The following ETV4 variants were observed in gnomAD, a reference collection of about 807,000 sequenced individuals.
ETV4 encodes the protein ETS variant transcription factor 4.
Under a neutral mutation model 65.9 loss-of-function variants are expected in ETV4, and 42 were observed. The ratio of observed to expected loss-of-function variants is 0.64; its 90% CI spans 0.50 to 0.82. The LOEUF is 0.82. Ranked by LOEUF, ETV4 falls within the 40% of genes least tolerant of loss-of-function variation. The pLI is 0.00. For synonymous variants in ETV4, 238 were observed against 260.0 expected (o/e 0.92, Z 0.81); for missense variants, 583 against 630.3 (o/e 0.92, Z 0.80).
chr17:43,532,593 A>T, intron 8 of ETV4, 81 bp downstream of exon 8: 2 of 1,300,154 alleles, frequency 1.5e-6, no homozygotes, highest in Admixed American at 4.3e-5. Flanking sequence ...GGTAAACAGC[A>T]ATGTAAAAAA....
chr17:43,545,872 A>G, intron 1 of ETV4: 1 of 584,992 alleles, frequency 1.7e-6, no homozygotes, highest in Non-Finnish European at 3.0e-6. Flanking sequence ...TGCTCCCAGG[A>G]GCCGGGCTCG....
intron 4 of ETV4, chr17:43,544,747 T>G (rs1320075912): frequency 2.0e-6 from 1 of 497,588 alleles, no homozygotes; most frequent in Non-Finnish European, 3.7e-6. Context: ...TCCTCAAGCC[T>G]AGTTACACAA....
chr17:43,533,254 G>A lies in ETV4; in HGVS notation c.478C>T (p.Arg160Trp), dbSNP rs759220792. The change falls in exon 7 of 13, where the codon CGG (arginine) becomes TGG (tryptophan). Residue 160 changes from arginine (R) to tryptophan (W), a missense_variant. By Grantham distance (101) the Arg-to-Trp change is moderately radical (BLOSUM62 -3). Transcript: ENST00000319349. ...PLQPFPRAEQ[R>W]NFLRSSGTSQ... ...GTGCCAGAGGATCTCAGGAAATTCC[G>A]TTGCTCTGCCCGGGGAAAGGGCTGT... The A allele has an allele frequency of 2.0e-5, 32 of 1,613,840 alleles. No individual in the cohort carries two copies. The highest frequency in any genetic ancestry group is 1.7e-5 in the Admixed American group (1 of 59,986).
intron 4 of ETV4, 123 bp downstream of exon 4, chr17:43,544,852 T>C (rs1971718663): frequency 2.3e-6 from 2 of 888,094 alleles, no homozygotes; most frequent in Non-Finnish European, 1.8e-6. Flanking sequence ...GAGAGGGCCT[T>C]GGAGAACTCC....
chr17:43,534,075 G>GTCACCCAGCTGGTC, intron 5 of ETV4, 90 bp from the exon 6 acceptor site: 1 of 1,337,346 alleles, frequency 7.5e-7, no homozygotes, highest in Non-Finnish European at 9.6e-7. Flanking sequence ...TTGAGGACCA[G>GTCACCCAGCTGGTC]CTGGGTGACT....
chr17:43,536,402 C>T (rs756066040), intron 5 of ETV4, 24 bp downstream of exon 5: 2 of 1,609,960 alleles, frequency 1.2e-6, no homozygotes, highest in African/African-American at 1.3e-5. Context: ...TCCCTATACC[C>T]TCTCCCCAGG....
intron 4 of ETV4, among the ~76,000 whole-genome samples, chr17:43,539,511 GA>G (rs1971411845): frequency 6.6e-6 from 1 of 152,170 alleles, no homozygotes; most frequent in Admixed American, 6.5e-5. Flanking sequence ...CCTCCACCAG[GA>G]AGTTAAGCTC....
rs750558611 is a variant in ETV4 at position 43,528,557 on chromosome 17, C to T, written c.1417G>A (p.Ala473Thr). 7.4e-6 allele frequency: 12 copies of T among 1,612,834 alleles called. No homozygotes were observed. Among genetic ancestry groups the T allele is most frequent in the Admixed American group, 6.7e-5 (4 of 59,948 alleles). ...PAYLPELAGP[A>T]QPFGPKGGYS... ...CCACCCTTGGGGCCAAATGGCTGGG[C>T]GGGGCCAGCCAGCTCTGGGAGGTAG... Residue 473 changes from alanine (A) to threonine (T), a missense_variant, in exon 13 of 13, where the codon GCC becomes ACC. By Grantham distance (58) the Ala-to-Thr change is moderately conservative. Coordinates refer to ENST00000319349, the MANE Select transcript of ETV4 (RefSeq NM_001079675.5).
chr17:43,542,112 G>A (rs1207226739), intron 4 of ETV4, among the ~76,000 whole-genome samples: 1 of 152,196 alleles, frequency 6.6e-6, no homozygotes, highest in Non-Finnish European at 1.5e-5. Flanking sequence ...CAAAGGGACT[G>A]GAGCCCTTGG....
At chr17:43,528,796 T>G in intron 12 of ETV4, 53 bp from the exon 13 acceptor site, 1 of 1,427,334 alleles carries the variant, frequency 7.0e-7, no homozygotes, top group Non-Finnish European at 9.8e-7. Context: ...AGCCTTTGTA[T>G]GGGGTAAGGT....
At chr17:43,536,558 G>T in intron 4 of ETV4, 79 bp from the exon 5 acceptor site, 2 of 1,280,168 alleles carry the variant, frequency 1.6e-6, no homozygotes, top group Non-Finnish European at 2.3e-6. Context: ...CAGCCCTGCA[G>T]ATTAGCAACA....
At chr17:43,536,377 C>T in intron 5 of ETV4, 49 bp downstream of exon 5, 1 of 1,520,658 alleles carries the variant, frequency 6.6e-7, no homozygotes, top group Non-Finnish European at 9.1e-7. Context: ...TGACTCACTT[C>T]CTGCCATCCT....
intron 4 of ETV4, 22 bp downstream of exon 4, chr17:43,544,953 A>G (rs1458261958): frequency 1.2e-6 from 2 of 1,612,794 alleles, no homozygotes; most frequent in Non-Finnish European, 1.7e-6. Flanking sequence ...CCCAAAATAG[A>G]AAAGGTCACA....
At chr17:43,545,472 C>A in intron 2 of ETV4, 86 bp downstream of exon 2, 1 of 1,177,842 alleles carries the variant, frequency 8.5e-7, no homozygotes, top group South Asian at 1.3e-5. Flanking sequence ...CCCAGGACTC[C>A]GCTGGGACTG....
At chr17:43,529,051 G>C (rs1281314041) in intron 12 of ETV4, 84 bp downstream of exon 12, 1 of 1,291,884 alleles carries the variant, frequency 7.7e-7, no homozygotes, top group Non-Finnish European at 1.1e-6. Context: ...AAGTTGCTGA[G>C]AACTGCCCTG....
At position 43,541,548 on chromosome 17, in the gene ETV4, A is replaced by AT. The variant is rs1567715362; in HGVS notation, c.202+3426_202+3427insA. 7.2e-5 allele frequency among the ~76,000 whole-genome samples: 11 copies of AT among 152,210 alleles called. 1 individual carries two copies. The East Asian group carries it at 2.1e-3, about 29-fold the overall frequency. ...TTCAAAAAGGGGGGTTAGTAAAAAA[A>AT]GAGGAGGGGCTTGGGGGGTCTCCCA... On this transcript the variant is annotated intron_variant, in intron 4 of 12. Transcript: ENST00000319349.
In ETV4 at chr17:43,534,095, T is replaced by A. The variant is rs537733149; in HGVS notation, c.257-110A>T. The A allele has an allele frequency of 4.4e-5, 52 of 1,182,648 alleles. No individual in the cohort carries two copies. In the Middle Eastern group the frequency reaches 7.5e-4, roughly 17 times the overall value. The allele number at this position is 1,182,648 out of a possible 1,614,324, so 73.3% of individuals were successfully genotyped here. A position where few individuals can be genotyped will look rare whatever the true frequency, so the allele number is the denominator to read the frequency against. Reference sequence around the variant, plus strand: ...GACCAGCTGGGTGACTGGTACAGCCTCCTTCCCTCTCTGGGTATCAATTTT... The same window carrying A: ...GACCAGCTGGGTGACTGGTACAGCCACCTTCCCTCTCTGGGTATCAATTTT... On this transcript the variant is annotated intron_variant, in intron 5 of 12. Transcript: ENST00000319349.
chr17:43,539,138 T>C (rs1340436192), intron 4 of ETV4, among the ~76,000 whole-genome samples: 1 of 152,210 alleles, frequency 6.6e-6, no homozygotes, highest in Non-Finnish European at 1.5e-5. Flanking sequence ...CTCTCTGTTA[T>C]TTAAAGCATG....
At chr17:43,531,418 C>T (rs899719737) in intron 8 of ETV4, among the ~76,000 whole-genome samples, 2 of 152,188 alleles carry the variant, frequency 1.3e-5, no homozygotes, top group Non-Finnish European at 2.9e-5. Flanking sequence ...TTAAAGAAGT[C>T]CCTACTTCCT....
Sources: gnomAD v4.1 joint callset for allele counts (sites outside exome capture counted in the v4.1 genomes callset) on GRCh38, gnomAD v4.1.1 for gene constraint, MANE v1.5 for transcripts, NCBI Gene and HGNC (gene_info 2026-07-23, HGNC 2026-07-21) for gene names.